Variants in KDR observed in about 807,000 individuals in gnomAD.
KDR encodes the protein vascular endothelial growth factor receptor 2.
Under a neutral mutation model 160.9 loss-of-function variants are expected in KDR, and 43 were observed. That is an observed-to-expected ratio of 0.27 (90% CI 0.21 to 0.34). KDR has a LOEUF of 0.34. Ranked by LOEUF, KDR falls within the 10% of genes least tolerant of loss-of-function variation. KDR has a pLI of 1.00. For missense variants in KDR, 1,469 were observed against 1,666.4 expected, an observed-to-expected ratio of 0.88 and a Z score of 2.06; for synonymous variants, 617 against 600.1, an observed-to-expected ratio of 1.03 and a Z score of -0.41.
chr4:55,118,158 A>G (rs1020577765), intron 3 of KDR, among the ~76,000 whole-genome samples: 2 of 152,202 alleles, frequency 1.3e-5, no homozygotes, highest in Non-Finnish European at 2.9e-5. Context: ...TCCTATGTGC[A>G]AAAAACTCCA....
chr4:55,082,318 T>G (rs1409366176), intron 28 of KDR, among the ~76,000 whole-genome samples: 1 of 152,162 alleles, frequency 6.6e-6, no homozygotes, highest in Non-Finnish European at 1.5e-5. Context: ...TGCACTTTAG[T>G]GAAATTGGTC....
rs1719658884 is a variant in KDR at position 55,079,156 on chromosome 4, A to T, written c.*785T>A. The T allele has an allele frequency of 8.6e-6, 2 of 233,324 alleles. No individual in the cohort carries two copies. Among genetic ancestry groups the T allele is most frequent in the South Asian group, 1.8e-4 (1 of 5,530 alleles). 14.5% of individuals were successfully genotyped at this position (233,324 alleles called of 1,614,324 possible). ...ATGTCCTTTCTTTGTGGTATTCTGA[A>T]TAAAGGATCAGCCTGGGAGACAAGG... On this transcript the variant is annotated 3_prime_UTR_variant, in exon 30 of 30. Transcript: ENST00000263923.
intron 15 of KDR, among the ~76,000 whole-genome samples, chr4:55,099,080 A>G (rs1041479320): frequency 3.3e-5 from 5 of 151,638 alleles, no homozygotes; most frequent in African/African-American, 1.2e-4. Flanking sequence ...CCATGACACA[A>G]TCATAGCTTA....
chr4:55,083,937 C>T (rs1024004160), intron 27 of KDR, among the ~76,000 whole-genome samples: 1 of 152,164 alleles, frequency 6.6e-6, no homozygotes, highest in Non-Finnish European at 1.5e-5. Context: ...TAACAGTTGT[C>T]AAACACTACT....
At chr4:55,091,608 C>A (rs933036778) in intron 22 of KDR, among the ~76,000 whole-genome samples, 23 of 152,204 alleles carry the variant, frequency 1.5e-4, no homozygotes, top group Middle Eastern at 6.8e-3. Context: ...TAAGAGCTAC[C>A]TAGCAGAAAC....
chr4:55,089,822 G>A lies in KDR; in HGVS notation c.3193-20C>T, dbSNP rs113426547. On this transcript the variant is annotated intron_variant, in intron 23 of 29. Transcript: ENST00000263923. ...GCGAGCCTACAGGGGTAGAAGACAA[G>A]GATTCAGAACCCAAATTAGCAAATA... 80 of 1,611,350 alleles carry A rather than the reference G, an allele frequency of 5.0e-5. 1 individual carries two copies. The African/African-American group carries it at 7.2e-4, about 15-fold the overall frequency.
At chr4:55,092,370 A>T (rs1304857463) in intron 22 of KDR, 4 of 497,790 alleles carry the variant, frequency 8.0e-6, no homozygotes, top group African/African-American at 1.9e-5. Flanking sequence ...CAGTATCCTC[A>T]GTGCTCAGAA....
chr4:55,089,173 A>G (rs1245052735), intron 25 of KDR, among the ~76,000 whole-genome samples, 200 bp from the exon 26 acceptor site: 1 of 152,172 alleles, frequency 6.6e-6, no homozygotes, highest in African/African-American at 2.4e-5. Flanking sequence ...TCTAATAAAA[A>G]CTAACTGGTT....
At chr4:55,100,928 T>G (rs2110019771) in intron 15 of KDR, among the ~76,000 whole-genome samples, 1 of 152,270 alleles carries the variant, frequency 6.6e-6, no homozygotes, top group African/African-American at 2.4e-5. Flanking sequence ...AGGAATATAC[T>G]TCTTAAGATA....
chr4:55,107,738 T>A lies in KDR; in HGVS notation c.1411A>T (p.Ser471Cys). 1 of 1,613,936 alleles carries A rather than the reference T, an allele frequency of 6.2e-7. No homozygotes were observed. The highest frequency in any genetic ancestry group is 1.1e-5 in the South Asian group (1 of 91,074). The change falls in exon 10 of 30, where the codon AGC (serine) becomes TGC (cysteine). Residue 471 changes from serine to cysteine, a missense_variant and splice_region_variant. Coordinates refer to ENST00000263923, the MANE Select transcript of KDR (RefSeq NM_002253.4). ...CAAAGAGCATGTGGCCTTACTCACC[T>A]GGGCTCGTTGGCGCACTCTTCCTCC... The part of the protein sequence containing the change: ...QLEEECANEP[S>C]QAVSVTNPYP...
Position 55,115,355 on chromosome 4 carries a change from T to A in KDR, c.415A>T (p.Thr139Ser). Reference protein sequence around the residue: ...VSDQHGVVYITENKNKTVVIP... With the variant: ...VSDQHGVVYISENKNKTVVIP... ...ACCACAGTTTTGTTTTTGTTCTCAG[T>A]AATGTACACGACTCCATGTTGGTCA... Residue 139 changes from threonine to serine, a missense_variant, in exon 4 of 30, where the codon ACT becomes TCT. Coordinates refer to ENST00000263923, the MANE Select transcript of KDR (RefSeq NM_002253.4). 1 of 1,564,120 alleles carries A rather than the reference T, an allele frequency of 6.4e-7. No homozygotes were observed. Among genetic ancestry groups the A allele is most frequent in the Non-Finnish European group, 8.8e-7 (1 of 1,134,544 alleles).
At chr4:55,103,385 G>A (rs1354275297) in intron 13 of KDR, among the ~76,000 whole-genome samples, 1 of 152,170 alleles carries the variant, frequency 6.6e-6, no homozygotes, top group African/African-American at 2.4e-5. Context: ...CTAAGCAAAT[G>A]TACTGGATTC....
At chr4:55,116,940 A>C (rs1720750861) in intron 3 of KDR, among the ~76,000 whole-genome samples, 1 of 152,218 alleles carries the variant, frequency 6.6e-6, no homozygotes, top group African/African-American at 2.4e-5. Flanking sequence ...CCCAACTCCT[A>C]GAACTTTAAG....
At position 55,089,388 on chromosome 4, in the gene KDR, A is replaced by G. The variant is rs749481359; in HGVS notation, c.3390T>C (p.Tyr1130=). 8 of 1,608,418 alleles carry G rather than the reference A, an allele frequency of 5.0e-6. No individual in the cohort carries two copies. In the Admixed American group the frequency reaches 5.0e-5, roughly 10 times the overall value. The change falls in exon 25 of 30, where the codon TAT becomes TAC. Residue 1130 remains tyrosine (Y), a synonymous_variant. Coordinates refer to ENST00000263923, the MANE Select transcript of KDR (RefSeq NM_002253.4). ...TAAAGTCTTACATTTCTGGTGTAGT[A>G]TAATCAGGGGCCCTCATTCTAGTTC... ...KEGTRMRAPD[Y]TTPEMYQTML...
At chr4:55,115,455 T>C (rs532671268) in intron 3 of KDR, 44 bp from the exon 4 acceptor site, 3 of 1,105,652 alleles carry the variant, frequency 2.7e-6, no homozygotes, top group African/African-American at 1.5e-5. Flanking sequence ...TAGTATTTAC[T>C]AGAAAAGTTG....
At chr4:55,117,286 T>C (rs1251199024) in intron 3 of KDR, among the ~76,000 whole-genome samples, 2 of 152,150 alleles carry the variant, frequency 1.3e-5, no homozygotes, top group Non-Finnish European at 2.9e-5. Flanking sequence ...TAGGAAGAAG[T>C]AAATAATGAG....
rs1720269999 is a variant in KDR at position 55,100,034 on chromosome 4, A to G, written c.2267-1231T>C. Reference sequence around the variant, plus strand: ...TGAGTGGAAGAAACAAAATACAGAAACAGGCTTTCCACTAAGAGTGATTAG... The same window carrying G: ...TGAGTGGAAGAAACAAAATACAGAAGCAGGCTTTCCACTAAGAGTGATTAG... On this transcript the variant is annotated intron_variant, in intron 15 of 29. Transcript: ENST00000263923. 1.3e-5 allele frequency among the ~76,000 whole-genome samples: 2 copies of G among 152,116 alleles called. 1 individual carries two copies. The highest frequency in any genetic ancestry group is 4.2e-4 in the South Asian group (2 of 4,814).
rs144617824 is a variant in KDR, at chr4:55,081,176, A to T, written c.3848+780T>A. 5.6e-3 allele frequency among the ~76,000 whole-genome samples: 860 copies of T among 152,288 alleles called. 11 individuals are homozygous for T. The highest frequency in any genetic ancestry group is 0.033 in the Admixed American group (504 of 15,304). ...TAAAATAGCACAATGGCACCTTTTA[A>T]TATGTTGGGGTTTTTTTTGTTTGTT... On this transcript the variant is annotated intron_variant, in intron 29 of 29. Transcript: ENST00000263923.
chr4:55,106,039 T>C (rs762870606), intron 11 of KDR, 99 bp from the exon 12 acceptor site: 5 of 804,472 alleles, frequency 6.2e-6, no homozygotes, highest in African/African-American at 1.7e-5. Context: ...AACCTGCCTA[T>C]GCCATTCCCA....
Sources: gnomAD v4.1 joint callset for allele counts (sites outside exome capture counted in the v4.1 genomes callset) on GRCh38, gnomAD v4.1.1 for gene constraint, MANE v1.5 for transcripts, NCBI Gene and HGNC (gene_info 2026-07-23, HGNC 2026-07-21) for gene names.